SYCP1: variants seen among roughly 807,000 people sequenced by gnomAD.
SYCP1 encodes the protein synaptonemal complex protein 1.
Under a neutral mutation model 153.1 loss-of-function variants are expected in SYCP1, and 64 were observed. The observed-to-expected ratio is 0.42, with a 90% CI of 0.34 to 0.51. The LOEUF is 0.51. Ranked by LOEUF, SYCP1 falls within the 20% of genes least tolerant of loss-of-function variation. SYCP1 has a pLI of 0.06. For missense variants in SYCP1, 997 were observed against 1,049.0 expected, an observed-to-expected ratio of 0.95 and a Z score of 0.68; for synonymous variants, 384 against 341.8, an observed-to-expected ratio of 1.12 and a Z score of -1.36.
At chr1:114,922,839 C>G (rs1179188925) in intron 20 of SYCP1, among the ~76,000 whole-genome samples, 2 of 152,154 alleles carry the variant, frequency 1.3e-5, no homozygotes, top group African/African-American at 4.8e-5. Context: ...CAAGGCAAAT[C>G]CCCTCCACCT....
chr1:114,985,798 G>C, intron 30 of SYCP1, among the ~76,000 whole-genome samples: 1 of 150,946 alleles, frequency 6.6e-6, no homozygotes, highest in East Asian at 2.0e-4. Context: ...TTTATACAAC[G>C]AAGATTACTT....
chr1:114,907,436 T>C (rs1667884248), intron 16 of SYCP1, among the ~76,000 whole-genome samples: 1 of 152,220 alleles, frequency 6.6e-6, no homozygotes, highest in Non-Finnish European at 1.5e-5. Flanking sequence ...TGAATATTTT[T>C]TGGCATTCCG....
Position 114,895,493 on chromosome 1 carries a change from A to T in SYCP1, c.1304A>T (p.Glu435Val). 1.3e-6 allele frequency: 2 copies of T among 1,521,670 alleles called. No individual in the cohort carries two copies. The highest frequency in any genetic ancestry group is 1.8e-6 in the Non-Finnish European group (2 of 1,117,216). 94.3% of individuals were successfully genotyped at this position (1,521,670 alleles called of 1,614,324 possible). A position where few individuals can be genotyped will look rare whatever the true frequency, so the allele number is the denominator to read the frequency against. ...LTNNKEVELE[E>V]LKKVLGEKET... Reference sequence around the variant, plus strand: ...AATAACAAAGAAGTAGAACTTGAAGAATTGAAAAAAGTCTTGGTAAGTATA... The same window carrying T: ...AATAACAAAGAAGTAGAACTTGAAGTATTGAAAAAAGTCTTGGTAAGTATA... The change falls in exon 16 of 32, where the codon GAA (glutamate) becomes GTA (valine). Residue 435 changes from glutamate (E) to valine (V), a missense_variant. Glu to Val is a moderately radical substitution (Grantham distance 121). Transcript: ENST00000369522.
chr1:114,986,281 T>C (rs556453483), intron 30 of SYCP1, among the ~76,000 whole-genome samples: 2 of 152,168 alleles, frequency 1.3e-5, no homozygotes, highest in South Asian at 4.1e-4. Context: ...TCATAGACTA[T>C]GTAAGTCATT....
intron 27 of SYCP1, among the ~76,000 whole-genome samples, chr1:114,950,991 A>AT (rs1363253817): frequency 2.6e-5 from 4 of 151,892 alleles, no homozygotes; most frequent in Non-Finnish European, 5.9e-5. Context: ...CGCCTGGATA[A>AT]TTTTTTGTAT....
rs148433869 is a variant in SYCP1, at chr1:114,894,207, C to T, written c.1259-1241C>T. ...TTTCTAGTTAAATAAGCTATGTATA[C>T]GCCAGGTTTTTCTTTTGGATTCTAT... On this transcript the variant is annotated intron_variant, in intron 15 of 31. Coordinates refer to ENST00000369522, the MANE Select transcript of SYCP1 (RefSeq NM_003176.4). Among the ~76,000 whole-genome samples the T allele has an allele frequency of 6.4e-3, 972 of 151,912 alleles. 9 individuals carry two copies. The highest frequency in any genetic ancestry group is 0.022 in the African/African-American group (912 of 41,470).
rs781212080 is a variant in SYCP1 at position 114,858,537 on chromosome 1, A to G, written c.292-10A>G. On this transcript the variant is annotated splice_polypyrimidine_tract_variant and intron_variant, in intron 5 of 31. Coordinates refer to ENST00000369522, the MANE Select transcript of SYCP1 (RefSeq NM_003176.4). ...TTGGACAATTAATTTTTGAAAACAT[A>G]TTTTAATAGAATTCAGAGGGATTGA... is the stretch of plus-strand genomic sequence containing the variant. 1.3e-6 allele frequency: 2 copies of G among 1,552,140 alleles called. No individual in the cohort carries two copies. The highest frequency in any genetic ancestry group is 1.7e-6 in the Non-Finnish European group (2 of 1,153,412).
intron 21 of SYCP1, among the ~76,000 whole-genome samples, chr1:114,924,403 A>T (rs552480756): frequency 1.2e-4 from 18 of 152,122 alleles, no homozygotes; most frequent in Non-Finnish European, 1.9e-4. Context: ...ATTTTATAGT[A>T]GAGGAATTCT....
rs573001259 is a variant in SYCP1 at position 114,868,693 on chromosome 1, C to T, written c.599-5813C>T. Among the ~76,000 whole-genome samples the T allele has an allele frequency of 5.9e-5, 9 of 152,230 alleles. No homozygotes were observed. In the South Asian group the frequency reaches 1.9e-3, roughly 32 times the overall value. Reference sequence around the variant, plus strand: ...GCTGGCAGGCCTGGTGCTTTCTGTTCTGGAGGGTTATTAATTATTGACTTA... The same window carrying T: ...GCTGGCAGGCCTGGTGCTTTCTGTTTTGGAGGGTTATTAATTATTGACTTA... On this transcript the variant is annotated intron_variant, in intron 8 of 31. Transcript: ENST00000369522.
Position 114,886,168 on chromosome 1 carries a change from A to C in SYCP1, c.1049A>C (p.Lys350Thr), listed in dbSNP as rs1455554101. The change falls in exon 14 of 32, where the codon AAA (lysine) becomes ACA (threonine). Residue 350 changes from lysine (K) to threonine (T), a missense_variant. By Grantham distance (78) the Lys-to-Thr change is moderately conservative. Coordinates refer to ENST00000369522, the MANE Select transcript of SYCP1 (RefSeq NM_003176.4). ...GAGGAAGATTTACAGATAGCAACAA[A>C]AACAATTTGTCAGCTAACTGAAGAA... ...ALEEDLQIAT[K>T]TICQLTEEKE... The C allele has an allele frequency of 6.2e-7, 1 of 1,610,732 alleles. No homozygotes were observed.
At chr1:114,979,667 A>G (rs1673027473) in intron 28 of SYCP1, among the ~76,000 whole-genome samples, 1 of 151,890 alleles carries the variant, frequency 6.6e-6, no homozygotes, top group Admixed American at 6.6e-5. Flanking sequence ...TATGTAGGGA[A>G]AAGGATACAG....
At chr1:114,887,731 T>C in intron 15 of SYCP1, 38 bp downstream of exon 15, 1 of 1,258,958 alleles carries the variant, frequency 7.9e-7, no homozygotes, top group East Asian at 2.6e-5. Context: ...TTTAATAATA[T>C]TAACTTATTA....
chr1:114,876,058 T>C lies in SYCP1; in HGVS notation c.658-11T>C, dbSNP rs1158831309. 3 of 1,538,184 alleles carry C rather than the reference T, an allele frequency of 2.0e-6. No homozygotes were observed. ...AAATTTAAGTATGATTCTTAAAACT[T>C]TATATTTCAGAAAATGATAACAGCT... is the stretch of plus-strand genomic sequence containing the variant. On this transcript the variant is annotated splice_polypyrimidine_tract_variant and intron_variant, in intron 9 of 31. Coordinates refer to ENST00000369522, the MANE Select transcript of SYCP1 (RefSeq NM_003176.4).
chr1:114,993,933 A>AT lies in SYCP1; in HGVS notation c.2704-761dup, dbSNP rs1674095229. On this transcript the variant is annotated intron_variant, in intron 30 of 31. Transcript: ENST00000369522. ...CACCATTCTACTTTCTGTCTCTATGATTTTCCCTACACTAAATATCTCATA... is the reference window on the plus strand; with the variant it reads ...CACCATTCTACTTTCTGTCTCTATGATTTTTCCCTACACTAAATATCTCATA... Among the ~76,000 whole-genome samples, 3 of 149,510 alleles carry AT rather than the reference A, an allele frequency of 2.0e-5. No homozygotes were observed. The South Asian group carries it at 6.4e-4, about 32-fold the overall frequency.
chr1:114,889,402 C>G lies in SYCP1; in HGVS notation c.1258+1709C>G, dbSNP rs572432289. Among the ~76,000 whole-genome samples, 79 of 151,890 alleles carry G rather than the reference C, an allele frequency of 5.2e-4. 2 individuals carry two copies. The South Asian group carries it at 0.016, about 31-fold the overall frequency. On this transcript the variant is annotated intron_variant, in intron 15 of 31. Coordinates refer to ENST00000369522, the MANE Select transcript of SYCP1 (RefSeq NM_003176.4). ...TTTTTAATGATCGCCATTCTAACTG[C>G]TGTGAGATGGTATCTCATTGTAGTT...
At chr1:114,960,129 C>T (rs184120886) in intron 27 of SYCP1, among the ~76,000 whole-genome samples, 66 of 149,246 alleles carry the variant, frequency 4.4e-4, no homozygotes, top group African/African-American at 1.5e-3. Context: ...CTGGATCATA[C>T]AGTCTATAGC....
chr1:114,896,872 G>A (rs1335734445), intron 16 of SYCP1, among the ~76,000 whole-genome samples: 1 of 152,200 alleles, frequency 6.6e-6, no homozygotes, highest in Non-Finnish European at 1.5e-5. Context: ...TGAAGGGTGT[G>A]TAAGGCAGGC....
intron 27 of SYCP1, among the ~76,000 whole-genome samples, chr1:114,960,061 A>G (rs1173861125): frequency 6.6e-6 from 1 of 151,928 alleles, no homozygotes; most frequent in Non-Finnish European, 1.5e-5. Context: ...GGGAGTGCAG[A>G]TATTTCTTAG....
rs150731809 is a variant in SYCP1, at chr1:114,984,743, C to T, written c.2578C>T (p.Pro860Ser). ...TGGATAGGCATATACAGTGAAGACA[C>T]CAACAAAACCAAAACTACAGCAAAG... ...PLPKAYTVKTPTKPKLQQREN... is the reference protein window; with the variant it reads ...PLPKAYTVKTSTKPKLQQREN... Residue 860 changes from proline to serine, a missense_variant, in exon 30 of 32, where the codon CCA becomes TCA. Pro to Ser is a moderately conservative substitution (Grantham distance 74). Transcript: ENST00000369522. 4.4e-3 allele frequency: 6,442 copies of T among 1,474,392 alleles called. 27 individuals are homozygous for T. Among genetic ancestry groups the T allele is most frequent in the South Asian group, 4.5e-3 (292 of 64,586 alleles). 91.3% of individuals were successfully genotyped at this position (1,474,392 alleles called of 1,614,324 possible).
Sources: allele counts gnomAD v4.1 joint callset (sites outside exome capture counted in the v4.1 genomes callset), GRCh38; gene constraint gnomAD v4.1.1; transcripts MANE v1.5; gene names NCBI Gene and HGNC (gene_info 2026-07-23, HGNC 2026-07-21).